The following CADM2 variants were observed in gnomAD, a reference collection of about 807,000 sequenced individuals.
CADM2 encodes cell adhesion molecule 2.
Under a neutral mutation model 49.8 loss-of-function variants are expected in CADM2, and 12 were observed. The observed-to-expected ratio is 0.24, with a 90% CI of 0.15 to 0.39. CADM2 has a LOEUF of 0.39. Among genes scored for constraint, CADM2 ranks in the 10% least tolerant of loss-of-function variants. The pLI, the probability that CADM2 is intolerant of heterozygous loss-of-function variation, is 1.00. For synonymous variants in CADM2, 214 were observed against 175.4 expected, an observed-to-expected ratio of 1.22 and a Z score of -1.74; for missense variants, 378 against 492.3, an observed-to-expected ratio of 0.77 and a Z score of 2.20.
At chr3:85,236,865 G>C (rs1459260512) in intron 1 of CADM2, among the ~76,000 whole-genome samples, 1 of 152,062 alleles carries the variant, frequency 6.6e-6, no homozygotes, top group Non-Finnish European at 1.5e-5. Context: ...AGAAAGGACA[G>C]ACAATTTCTT....
In CADM2 at chr3:85,387,423, A is replaced by G. The variant is rs555092664; in HGVS notation, c.62-339099A>G. 1.3e-4 allele frequency among the ~76,000 whole-genome samples: 20 copies of G among 152,254 alleles called. No individual in the cohort carries two copies. The South Asian group carries it at 4.1e-3, about 32-fold the overall frequency. On this transcript the variant is annotated intron_variant, in intron 1 of 9. Transcript: ENST00000383699. ...AGAAACACAATCCTATCACTATTGA[A>G]CAGAGTTGCATGCCTTTTATTTAGC...
At chr3:85,234,207 A>G (rs750591414) in intron 1 of CADM2, among the ~76,000 whole-genome samples, 20 of 152,160 alleles carry the variant, frequency 1.3e-4, no homozygotes, top group Non-Finnish European at 2.6e-4. Context: ...CCACTATATC[A>G]TGCTACCTTC....
chr3:85,414,559 T>C (rs1350847813), intron 1 of CADM2, among the ~76,000 whole-genome samples: 1 of 152,170 alleles, frequency 6.6e-6, no homozygotes, highest in Non-Finnish European at 1.5e-5. Context: ...TTTTTAAACA[T>C]TTATTTTATT....
At chr3:85,834,807 T>G (rs1356139896) in intron 3 of CADM2, among the ~76,000 whole-genome samples, 12 of 151,542 alleles carry the variant, frequency 7.9e-5, no homozygotes, top group African/African-American at 2.9e-4. Context: ...GAGATTGTTA[T>G]ATATCACAAA....
intron 1 of CADM2, among the ~76,000 whole-genome samples, chr3:85,103,294 AT>A (rs1206084435): frequency 1.3e-5 from 2 of 152,062 alleles, no homozygotes; most frequent in African/African-American, 4.8e-5. Context: ...AAGTAATTAT[AT>A]TTTTTCTTTA....
Position 86,067,233 on chromosome 3 carries a change from G to T in CADM2, c.*450G>T, listed in dbSNP as rs1739436050. 6.5e-6 allele frequency: 1 copy of T among 153,520 alleles called. No homozygotes were observed. Among genetic ancestry groups the T allele is most frequent in the Non-Finnish European group, 1.5e-5 (1 of 68,802 alleles). 9.5% of individuals were successfully genotyped at this position (153,520 alleles called of 1,614,324 possible). A position where few individuals can be genotyped will look rare whatever the true frequency, so the allele number is the denominator to read the frequency against. On this transcript the variant is annotated 3_prime_UTR_variant, in exon 10 of 10. Coordinates refer to ENST00000383699, the MANE Select transcript of CADM2 (RefSeq NM_001167675.2). Reference sequence around the variant, plus strand: ...ATAATGTATTTAAGAATAAGTGAAGGTTAGAGGTTTACAATTAATGTTTTC... The same window carrying T: ...ATAATGTATTTAAGAATAAGTGAAGTTTAGAGGTTTACAATTAATGTTTTC...
intron 1 of CADM2, among the ~76,000 whole-genome samples, chr3:85,653,241 G>C (rs930676862): frequency 6.7e-6 from 1 of 150,260 alleles, no homozygotes; most frequent in African/African-American, 2.5e-5. Flanking sequence ...GGCTTTTACT[G>C]TGAGCAAGGA....
intron 2 of CADM2, among the ~76,000 whole-genome samples, chr3:85,753,518 C>A (rs2068960715): frequency 6.7e-6 from 1 of 149,984 alleles, no homozygotes; most frequent in Non-Finnish European, 1.5e-5. Flanking sequence ...GGGTTAAACA[C>A]TGACATACAC....
intron 1 of CADM2, among the ~76,000 whole-genome samples, chr3:85,011,847 G>T (rs577067124): frequency 6.6e-6 from 1 of 151,352 alleles, no homozygotes; most frequent in South Asian, 2.1e-4. Context: ...ACTACAACCG[G>T]GGTTACAAAG....
rs528838622 is a variant in CADM2 at position 85,856,211 on chromosome 3, T to C, written c.239-27080T>C. On this transcript the variant is annotated intron_variant, in intron 3 of 9. Transcript: ENST00000383699. ...TGTATAACTTAAAATAGCATATTTA[T>C]TCTACTATATAGCTTATTAGTTTAC... Among the ~76,000 whole-genome samples the C allele has an allele frequency of 2.6e-5, 4 of 152,352 alleles. No homozygotes were observed. The South Asian group carries it at 8.3e-4, about 32-fold the overall frequency.
chr3:85,838,408 T>C (rs2074494948), intron 3 of CADM2, among the ~76,000 whole-genome samples: 1 of 151,800 alleles, frequency 6.6e-6, no homozygotes, highest in African/African-American at 2.4e-5. Context: ...AGATTGGAGC[T>C]CTTCTAAACA....
chr3:85,096,122 A>G (rs2037784826), intron 1 of CADM2, among the ~76,000 whole-genome samples: 1 of 152,146 alleles, frequency 6.6e-6, no homozygotes, highest in Non-Finnish European at 1.5e-5. Context: ...CTAGATATTT[A>G]TTCTACAATA....
intron 1 of CADM2, among the ~76,000 whole-genome samples, chr3:85,105,361 G>A (rs769143045): frequency 7.9e-5 from 12 of 152,234 alleles, no homozygotes; most frequent in South Asian, 2.1e-4. Context: ...ACCATCACTG[G>A]CCATCAGAGA....
chr3:85,602,820 T>C (rs1267519502), intron 1 of CADM2, among the ~76,000 whole-genome samples: 1 of 151,894 alleles, frequency 6.6e-6, no homozygotes, highest in East Asian at 1.9e-4. Context: ...CAGTACAATT[T>C]GCATTTGACC....
At chr3:85,977,998 G>C (rs1726998884) in intron 8 of CADM2, among the ~76,000 whole-genome samples, 1 of 151,588 alleles carries the variant, frequency 6.6e-6, no homozygotes, top group Non-Finnish European at 1.5e-5. Flanking sequence ...CTTTAACTGA[G>C]AGAATGACAG....
chr3:85,316,617 T>G (rs2044471420), intron 1 of CADM2, among the ~76,000 whole-genome samples: 1 of 152,202 alleles, frequency 6.6e-6, no homozygotes, highest in Non-Finnish European at 1.5e-5. Context: ...GCTTTATTTT[T>G]AATAAAGTAT....
rs1416357640 is a variant in CADM2 at position 85,779,701 on chromosome 3, G to T, written c.89-22346G>T. On this transcript the variant is annotated intron_variant, in intron 2 of 9. Coordinates refer to ENST00000383699, the MANE Select transcript of CADM2 (RefSeq NM_001167675.2). ...GGAACTACAATTCAAGATGAGATTT[G>T]GGTGGGGACACAACCAAGCCATATC... 3.3e-5 allele frequency among the ~76,000 whole-genome samples: 5 copies of T among 152,140 alleles called. No homozygotes were observed. In the East Asian group the frequency reaches 5.8e-4, roughly 18 times the overall value.
At chr3:85,297,571 G>T (rs570853900) in intron 1 of CADM2, among the ~76,000 whole-genome samples, 3 of 151,946 alleles carry the variant, frequency 2.0e-5, no homozygotes, top group Non-Finnish European at 2.9e-5. Flanking sequence ...GAGCTTTAAG[G>T]CAGACTCCTA....
intron 3 of CADM2, among the ~76,000 whole-genome samples, chr3:85,873,776 A>G (rs980858807): frequency 6.6e-6 from 1 of 152,160 alleles, no homozygotes; most frequent in African/African-American, 2.4e-5. Flanking sequence ...TTCACATTGA[A>G]TTTTTGATGT....
Sources: gnomAD v4.1 joint callset for allele counts (sites outside exome capture counted in the v4.1 genomes callset) on GRCh38, gnomAD v4.1.1 for gene constraint, MANE v1.5 for transcripts, NCBI Gene and HGNC (gene_info 2026-07-23, HGNC 2026-07-21) for gene names.